EXT1: variants seen among roughly 807,000 people sequenced by gnomAD.
EXT1 encodes the protein exostosin glycosyltransferase 1, also known as exostosin-1.
A neutral mutation model predicts 82.5 loss-of-function variants in EXT1; 20 were observed. The observed-to-expected ratio is 0.24, with a 90% CI of 0.17 to 0.35. The LOEUF (loss-of-function observed/expected upper bound fraction) is 0.35, where lower values mean the gene tolerates loss of function less well. Among genes scored for constraint, EXT1 ranks in the 10% least tolerant of loss-of-function variants. EXT1 has a pLI of 1.00. For synonymous variants in EXT1, 348 were observed against 350.8 expected, an observed-to-expected ratio of 0.99 and a Z score of 0.09; for missense variants, 757 against 936.5, an observed-to-expected ratio of 0.81 and a Z score of 2.50.
intron 1 of EXT1, among the ~76,000 whole-genome samples, chr8:118,093,268 CAAAAAAAAAA>C (rs10594150): frequency 1.5e-5 from 1 of 66,784 alleles, no homozygotes; most frequent in African/African-American, 6.3e-5. Flanking sequence ...AAATTCCCAG[CAAAAAAAAAA>C]AAAAAAAAAA....
At chr8:117,947,822 G>T (rs1190909080) in intron 1 of EXT1, among the ~76,000 whole-genome samples, 1 of 152,198 alleles carries the variant, frequency 6.6e-6, no homozygotes, top group Non-Finnish European at 1.5e-5. Context: ...CAGAGTGCAA[G>T]TAATTATATC....
At chr8:118,010,601 GC>G (rs1240238434) in intron 1 of EXT1, among the ~76,000 whole-genome samples, 2 of 152,148 alleles carry the variant, frequency 1.3e-5, no homozygotes, top group African/African-American at 4.8e-5. Context: ...AAAAGAAGCT[GC>G]AGAGCAGTTC....
At chr8:117,944,293 AGGAAGCTG>A (rs1452761045) in intron 1 of EXT1, among the ~76,000 whole-genome samples, 1 of 152,222 alleles carries the variant, frequency 6.6e-6, no homozygotes, top group Admixed American at 6.5e-5. Context: ...CCAGCTACTC[AGGAAGCTG>A]AGGCAGGAGA....
chr8:117,940,583 A>G (rs185268278), intron 1 of EXT1, among the ~76,000 whole-genome samples: 20 of 152,300 alleles, frequency 1.3e-4, no homozygotes, highest in African/African-American at 4.8e-4. Flanking sequence ...CTGCACCCTC[A>G]AGAAACTCAT....
chr8:117,934,305 G>C (rs1026058301), intron 1 of EXT1, among the ~76,000 whole-genome samples: 2 of 152,170 alleles, frequency 1.3e-5, no homozygotes, highest in African/African-American at 4.8e-5. Flanking sequence ...CATGGACGAA[G>C]GATCCAGGGA....
chr8:118,009,447 G>A (rs751671551), intron 1 of EXT1, among the ~76,000 whole-genome samples: 1 of 152,204 alleles, frequency 6.6e-6, no homozygotes, highest in Non-Finnish European at 1.5e-5. Context: ...GAGAAAGGGT[G>A]AGTCAAAGCA....
intron 1 of EXT1, among the ~76,000 whole-genome samples, chr8:117,955,324 C>A (rs946242714): frequency 6.6e-6 from 1 of 152,170 alleles, no homozygotes; most frequent in African/African-American, 2.4e-5. Context: ...TCTCTCCTCC[C>A]TGGAGAATAG....
At chr8:117,829,481 A>G (rs1157074809) in intron 4 of EXT1, among the ~76,000 whole-genome samples, 1 of 151,776 alleles carries the variant, frequency 6.6e-6, no homozygotes, top group Non-Finnish European at 1.5e-5. Flanking sequence ...CTGTCCCGCA[A>G]TGCCATTGGA....
chr8:117,932,347 G>A lies in EXT1; in HGVS notation c.963-95146C>T, dbSNP rs1427581513. Among the ~76,000 whole-genome samples the A allele has an allele frequency of 2.0e-5, 3 of 152,126 alleles. No individual in the cohort carries two copies. In the East Asian group the frequency reaches 5.8e-4, roughly 29 times the overall value. ...CATACTGATTTTACAGATTTACCTG[G>A]TAAATCTGAAAAGATATTTTGTTCA... On this transcript the variant is annotated intron_variant, in intron 1 of 10. Transcript: ENST00000378204.
intron 1 of EXT1, among the ~76,000 whole-genome samples, chr8:117,987,774 G>A (rs1018542620): frequency 1.1e-4 from 16 of 152,126 alleles, no homozygotes; most frequent in Admixed American, 9.8e-4. Flanking sequence ...TGAAGGATAC[G>A]GCTGGGGATG....
In EXT1 at chr8:117,942,891, G is replaced by A. The variant is rs191713809; in HGVS notation, c.963-105690C>T. On this transcript the variant is annotated intron_variant, in intron 1 of 10. Transcript: ENST00000378204. ...CAGGGTCTACTCCCAGCCCTGACAC[G>A]TAGCAGTCAAAGTGATCCTGGGGAA... Among the ~76,000 whole-genome samples, 13 of 152,282 alleles carry A rather than the reference G, an allele frequency of 8.5e-5. No individual in the cohort carries two copies. The East Asian group carries it at 1.7e-3, about 20-fold the overall frequency.
At chr8:117,889,786 CA>C (rs1293068747) in intron 1 of EXT1, among the ~76,000 whole-genome samples, 1 of 151,146 alleles carries the variant, frequency 6.6e-6, no homozygotes, top group African/African-American at 2.5e-5. Flanking sequence ...AGCAATGTGC[CA>C]AAGTTATAAA....
chr8:117,879,338 T>C (rs1045184642), intron 1 of EXT1, among the ~76,000 whole-genome samples: 12 of 151,972 alleles, frequency 7.9e-5, no homozygotes, highest in African/African-American at 2.2e-4. Flanking sequence ...GAACGTAAAG[T>C]GAAACAAAAA....
At chr8:117,830,656 C>A (rs1812083797) in intron 3 of EXT1, among the ~76,000 whole-genome samples, 1 of 152,154 alleles carries the variant, frequency 6.6e-6, no homozygotes, top group South Asian at 2.1e-4. Flanking sequence ...TCCAGAAATC[C>A]TTGACCTTGC....
In EXT1 at chr8:117,830,235, G is replaced by A; in HGVS notation, c.1279C>T (p.Leu427=). The A allele has an allele frequency of 6.2e-7, 1 of 1,613,988 alleles. No individual in the cohort carries two copies. The highest frequency in any genetic ancestry group is 1.1e-5 in the South Asian group (1 of 91,082). The change falls in exon 4 of 11, where the codon CTA becomes TTA. Residue 427 remains leucine (L), a synonymous_variant. Coordinates refer to ENST00000378204, the MANE Select transcript of EXT1 (RefSeq NM_000127.3). Reference sequence around the variant, plus strand: ...AGCCAAGTGGTCTCACTTACCTCTAGTGTAGTTAATACAATCTTCTCAACT... The same window carrying A: ...AGCCAAGTGGTCTCACTTACCTCTAATGTAGTTAATACAATCTTCTCAACT... ...SSVEKIVLTT[L]EIIQDRIFKH...
intron 1 of EXT1, among the ~76,000 whole-genome samples, chr8:117,839,070 T>C (rs1017923341): frequency 6.6e-6 from 1 of 152,184 alleles, no homozygotes; most frequent in African/African-American, 2.4e-5. Flanking sequence ...AAAATTCAAA[T>C]GACAGTTATA....
At chr8:117,925,482 C>T (rs1217664882) in intron 1 of EXT1, among the ~76,000 whole-genome samples, 1 of 151,916 alleles carries the variant, frequency 6.6e-6, no homozygotes, top group Non-Finnish European at 1.5e-5. Flanking sequence ...AGAAAGAGTG[C>T]TATCACCTCA....
At chr8:117,949,199 G>C (rs1406519314) in intron 1 of EXT1, among the ~76,000 whole-genome samples, 2 of 152,096 alleles carry the variant, frequency 1.3e-5, no homozygotes, top group Admixed American at 6.6e-5. Flanking sequence ...TCCTTATTAA[G>C]TATATTAGGA....
intron 4 of EXT1, among the ~76,000 whole-genome samples, chr8:117,823,895 T>C (rs942438004): frequency 6.6e-6 from 1 of 152,164 alleles, no homozygotes; most frequent in South Asian, 2.1e-4. Context: ...AGTGAAAATA[T>C]TTATTTTTAC....
Sources: gnomAD v4.1 joint callset for allele counts (sites outside exome capture counted in the v4.1 genomes callset) on GRCh38, gnomAD v4.1.1 for gene constraint, MANE v1.5 for transcripts, NCBI Gene and HGNC (gene_info 2026-07-23, HGNC 2026-07-21) for gene names.